The following PAXBP1 variants were observed in gnomAD, a reference collection of about 807,000 sequenced individuals.
PAXBP1 encodes PAX3- and PAX7-binding protein 1.
Under a neutral mutation model 119.9 loss-of-function variants are expected in PAXBP1, and 44 were observed. That is an observed-to-expected ratio of 0.37 (90% CI 0.29 to 0.47). The LOEUF (loss-of-function observed/expected upper bound fraction) is 0.47, where lower values mean the gene tolerates loss of function less well. Ranked by LOEUF, PAXBP1 falls within the 20% of genes least tolerant of loss-of-function variation. The pLI is 0.99. For synonymous variants in PAXBP1, 393 were observed against 406.6 expected, an observed-to-expected ratio of 0.97 and a Z score of 0.40; for missense variants, 898 against 1,134.1, an observed-to-expected ratio of 0.79 and a Z score of 2.99.
chr21:32,741,081 T>A (rs896342137), intron 15 of PAXBP1, among the ~76,000 whole-genome samples: 1 of 152,040 alleles, frequency 6.6e-6, no homozygotes, highest in Non-Finnish European at 1.5e-5. Context: ...CAACAGCAAG[T>A]ATGGTGGGAG....
chr21:32,771,261 G>T, intron 1 of PAXBP1, 65 bp downstream of exon 1: 1 of 1,419,944 alleles, frequency 7.0e-7, no homozygotes, highest in South Asian at 1.3e-5. Context: ...AGAATACGGG[G>T]GCGGGGGACG....
chr21:32,743,127 T>C (rs1321545120), intron 15 of PAXBP1, 121 bp downstream of exon 15: 3 of 774,386 alleles, frequency 3.9e-6, no homozygotes, highest in Non-Finnish European at 6.8e-6. Flanking sequence ...AATGGAGATT[T>C]TGGGTATAGA....
intron 10 of PAXBP1, among the ~76,000 whole-genome samples, chr21:32,750,656 C>A (rs570282233): frequency 6.6e-4 from 101 of 152,262 alleles, no homozygotes; most frequent in African/African-American, 2.3e-3. Context: ...CATTTCCAGT[C>A]ACTTAAAATT....
intron 15 of PAXBP1, among the ~76,000 whole-genome samples, chr21:32,739,429 A>G (rs572603391): frequency 1.3e-5 from 2 of 152,342 alleles, no homozygotes; most frequent in East Asian, 3.9e-4. Context: ...TGAGGATTCA[A>G]CAAGATAATC....
intron 7 of PAXBP1, among the ~76,000 whole-genome samples, chr21:32,757,851 T>C (rs774261290): frequency 6.6e-6 from 1 of 152,232 alleles, no homozygotes; most frequent in Non-Finnish European, 1.5e-5. Flanking sequence ...TGTCAACTCT[T>C]GACACTTAGG....
At chr21:32,771,222 G>T in intron 1 of PAXBP1, 104 bp downstream of exon 1, 1 of 1,126,184 alleles carries the variant, frequency 8.9e-7, no homozygotes, top group Non-Finnish European at 1.2e-6. Flanking sequence ...AGGGGACTCC[G>T]TTCCAGGGCT....
At position 32,771,309 on chromosome 21, in the gene PAXBP1, C is replaced by T. The variant is rs748834882; in HGVS notation, c.343+17G>A. On this transcript the variant is annotated intron_variant, in intron 1 of 17. Coordinates refer to ENST00000331923, the MANE Select transcript of PAXBP1 (RefSeq NM_016631.4). The stretch of plus-strand genomic sequence containing the variant: ...GGGGATGCGGCCGTCTAAGGGCGTC[C>T]GAAGCGCGCACTTTACCTTCCTCCT... The T allele has an allele frequency of 6.4e-7, 1 of 1,570,892 alleles. No homozygotes were observed. Among genetic ancestry groups the T allele is most frequent in the Non-Finnish European group, 8.6e-7 (1 of 1,166,408 alleles).
At chr21:32,760,360 T>C (rs528939807) in intron 5 of PAXBP1, among the ~76,000 whole-genome samples, 9 of 152,274 alleles carry the variant, frequency 5.9e-5, no homozygotes, top group African/African-American at 2.2e-4. Context: ...TCCAAGACTT[T>C]CTCTATTGTG....
At chr21:32,771,183 T>G (rs2044336166) in intron 1 of PAXBP1, 143 bp downstream of exon 1, 1 of 797,178 alleles carries the variant, frequency 1.3e-6, no homozygotes, top group Non-Finnish European at 1.8e-6. Context: ...GGCCGGAGGC[T>G]GGGGAAGATT....
At chr21:32,758,379 A>C (rs1354432271) in intron 7 of PAXBP1, among the ~76,000 whole-genome samples, 1 of 152,012 alleles carries the variant, frequency 6.6e-6, no homozygotes, top group Non-Finnish European at 1.5e-5. Flanking sequence ...CCAGTGCCTC[A>C]ACCAATACTT....
At chr21:32,744,770 G>A (rs765277920) in intron 13 of PAXBP1, 22 bp downstream of exon 13, 2 of 1,533,364 alleles carry the variant, frequency 1.3e-6, no homozygotes, top group Admixed American at 2.3e-5. Flanking sequence ...AAAAAAAAAG[G>A]CTTCAAAAGA....
rs746309820 is a variant in PAXBP1 at position 32,762,109 on chromosome 21, A to T, written c.858T>A (p.Ile286=). The part of the protein sequence containing the change: ...SVKEKSQRQK[I]AEEIGIEGSD... ...AAATCAAGTTACCTATTTCCTCAGC[A>T]ATTTTTTGTCTTTGTGACTTTTCTT... Residue 286 remains isoleucine (I), a synonymous_variant, in exon 4 of 18, where the codon ATT becomes ATA. Transcript: ENST00000331923. 6.2e-7 allele frequency: 1 copy of T among 1,614,144 alleles called. No homozygotes were observed. The highest frequency in any genetic ancestry group is 1.7e-5 in the Admixed American group (1 of 60,022).
chr21:32,758,619 C>A (rs1601602149), intron 7 of PAXBP1, among the ~76,000 whole-genome samples: 3 of 96,362 alleles, frequency 3.1e-5, no homozygotes, highest in Admixed American at 2.4e-4. Context: ...AAACTATTAG[C>A]AACAATGGTA....
chr21:32,757,706 A>C (rs892078035), intron 7 of PAXBP1, among the ~76,000 whole-genome samples: 2 of 152,236 alleles, frequency 1.3e-5, no homozygotes, highest in African/African-American at 4.8e-5. Flanking sequence ...ACACTTCAAG[A>C]AGCAGCTCTC....
intron 11 of PAXBP1, among the ~76,000 whole-genome samples, chr21:32,747,881 G>A (rs1224153886): frequency 1.3e-5 from 2 of 150,838 alleles, no homozygotes; most frequent in African/African-American, 2.4e-5. Context: ...TTGATCTCCC[G>A]GGCTCAAGCA....
chr21:32,759,004 G>C, intron 7 of PAXBP1, 76 bp downstream of exon 7: 2 of 1,376,688 alleles, frequency 1.5e-6, no homozygotes, highest in Non-Finnish European at 2.0e-6. Flanking sequence ...GAGAATTATA[G>C]AATGTTCTAC....
intron 2 of PAXBP1, among the ~76,000 whole-genome samples, chr21:32,767,203 C>G (rs1157804583): frequency 6.6e-6 from 1 of 152,170 alleles, no homozygotes; most frequent in African/African-American, 2.4e-5. Flanking sequence ...AAATGGGGTT[C>G]TCAAGTCAAT....
In PAXBP1 at chr21:32,750,892, T is replaced by C. The variant is rs892941123; in HGVS notation, c.1723+25A>G. The C allele has an allele frequency of 3.2e-6, 5 of 1,543,744 alleles. No individual in the cohort carries two copies. In the Admixed American group the frequency reaches 5.2e-5, roughly 16 times the overall value. ...AAGTAGAAACTAAACTGATGATGAG[T>C]CTTATTTCCAAATAAATGTCTAACC... On this transcript the variant is annotated intron_variant, in intron 10 of 17. Coordinates refer to ENST00000331923, the MANE Select transcript of PAXBP1 (RefSeq NM_016631.4).
chr21:32,746,933 C>T (rs2043881197), intron 11 of PAXBP1, among the ~76,000 whole-genome samples: 1 of 152,118 alleles, frequency 6.6e-6, no homozygotes, highest in Non-Finnish European at 1.5e-5. Flanking sequence ...ATGTCCTTTG[C>T]AGGGACATGG....
Sources: gnomAD v4.1 joint callset for allele counts (sites outside exome capture counted in the v4.1 genomes callset) on GRCh38, gnomAD v4.1.1 for gene constraint, MANE v1.5 for transcripts, NCBI Gene and HGNC (gene_info 2026-07-23, HGNC 2026-07-21) for gene names.